GLCCI1: variants seen among roughly 807,000 people sequenced by gnomAD.
GLCCI1 encodes glucocorticoid-induced transcript 1 protein.
In GLCCI1, 24 loss-of-function variants were observed where a neutral mutation model predicts 52.2. The ratio of observed to expected loss-of-function variants is 0.46; its 90% CI spans 0.33 to 0.65. The LOEUF (loss-of-function observed/expected upper bound fraction) is 0.65, where lower values mean the gene tolerates loss of function less well. GLCCI1 is among the 30% of genes least tolerant of loss of function. GLCCI1 has a pLI of 0.02. For synonymous variants in GLCCI1, 310 were observed against 276.5 expected (o/e 1.12, Z -1.20); for missense variants, 704 against 701.5 (o/e 1.00, Z -0.04).
intron 3 of GLCCI1, among the ~76,000 whole-genome samples, chr7:8,029,953 A>G (rs973420709): frequency 6.6e-6 from 1 of 152,188 alleles, no homozygotes; most frequent in African/African-American, 2.4e-5. Context: ...AAGAATCAAT[A>G]TTGTTAAAAT....
intron 6 of GLCCI1, among the ~76,000 whole-genome samples, chr7:8,083,642 T>C (rs1783042114): frequency 1.4e-5 from 2 of 142,110 alleles, no homozygotes; most frequent in South Asian, 2.4e-4. Flanking sequence ...GTGCCTACTC[T>C]GTAGGATCAT....
At chr7:8,075,889 A>G (rs566938680) in intron 6 of GLCCI1, among the ~76,000 whole-genome samples, 26 of 152,342 alleles carry the variant, frequency 1.7e-4, no homozygotes, top group African/African-American at 5.3e-4. Flanking sequence ...ATGTAAGCCT[A>G]TTTAACTCAT....
intron 3 of GLCCI1, among the ~76,000 whole-genome samples, chr7:8,023,976 A>C (rs944633061): frequency 6.1e-4 from 93 of 152,270 alleles, no homozygotes; most frequent in Non-Finnish European, 7.4e-4. Flanking sequence ...TCAAGTTTTT[A>C]AATCTGTTCT....
intron 5 of GLCCI1, among the ~76,000 whole-genome samples, chr7:8,067,817 AT>A (rs1232572402): frequency 6.6e-6 from 1 of 151,932 alleles, no homozygotes; most frequent in Non-Finnish European, 1.5e-5. Context: ...GAATCTGATG[AT>A]TATGTATCTT....
At chr7:8,060,916 A>C (rs532925000) in intron 5 of GLCCI1, among the ~76,000 whole-genome samples, 1 of 152,126 alleles carries the variant, frequency 6.6e-6, no homozygotes, top group South Asian at 2.1e-4. Context: ...AAGTGTCTGC[A>C]TTGTTGTATA....
At chr7:8,032,014 T>C (rs1052699053) in intron 3 of GLCCI1, among the ~76,000 whole-genome samples, 4 of 152,072 alleles carry the variant, frequency 2.6e-5, no homozygotes, top group Admixed American at 6.6e-5. Context: ...CATCCCATTA[T>C]TGAGAAACCA....
At chr7:7,974,087 G>T (rs1447852726) in intron 1 of GLCCI1, among the ~76,000 whole-genome samples, 1 of 152,016 alleles carries the variant, frequency 6.6e-6, no homozygotes, top group African/African-American at 2.4e-5. Flanking sequence ...TTTTTCTAAA[G>T]AGACAGGTTT....
chr7:8,052,490 C>G (rs1160064153), intron 3 of GLCCI1, among the ~76,000 whole-genome samples: 1 of 152,122 alleles, frequency 6.6e-6, no homozygotes, highest in Non-Finnish European at 1.5e-5. Flanking sequence ...ATATATTTGT[C>G]CCACTGAAAC....
At chr7:7,985,375 T>G (rs375605710) in intron 1 of GLCCI1, among the ~76,000 whole-genome samples, 1 of 152,066 alleles carries the variant, frequency 6.6e-6, no homozygotes, top group Non-Finnish European at 1.5e-5. Flanking sequence ...CCATACAGAG[T>G]AGAGGTTCAT....
chr7:8,011,539 C>T (rs967309361), intron 2 of GLCCI1, among the ~76,000 whole-genome samples: 1 of 152,050 alleles, frequency 6.6e-6, no homozygotes, highest in Non-Finnish European at 1.5e-5. Context: ...TTTATCCATT[C>T]GTCTATGGGT....
In GLCCI1 at chr7:7,969,159, C is replaced by T; in HGVS notation, c.-192C>T. The T allele has an allele frequency of 2.1e-6, 1 of 472,388 alleles. No individual in the cohort carries two copies. The highest frequency in any genetic ancestry group is 3.0e-6 in the Non-Finnish European group (1 of 330,954). The allele number at this position is 472,388 out of a possible 1,614,324, so 29.3% of individuals were successfully genotyped here. ...GGACGTTTGTTTTCGCAGCCTTCCCCTCCCCCCTCGCCGAGGCGGCGGGGG... is the reference window on the plus strand; with the variant it reads ...GGACGTTTGTTTTCGCAGCCTTCCCTTCCCCCCTCGCCGAGGCGGCGGGGG... On this transcript the variant is annotated 5_prime_UTR_variant, in exon 1 of 8. Coordinates refer to ENST00000223145, the MANE Select transcript of GLCCI1 (RefSeq NM_138426.4). The surrounding 1 kb of genome is among the most constrained non-coding windows in gnomAD (Gnocchi z 4.9).
chr7:8,033,043 G>T (rs973557619), intron 3 of GLCCI1, among the ~76,000 whole-genome samples: 2 of 151,752 alleles, frequency 1.3e-5, no homozygotes, highest in Non-Finnish European at 2.9e-5. Flanking sequence ...AAATAAGAGG[G>T]ATTATATACC....
intron 2 of GLCCI1, among the ~76,000 whole-genome samples, chr7:8,022,014 A>G (rs1458135410): frequency 6.6e-6 from 1 of 152,114 alleles, no homozygotes; most frequent in Non-Finnish European, 1.5e-5. Context: ...ACTAATACTT[A>G]CTCTTCCCCA....
intron 5 of GLCCI1, among the ~76,000 whole-genome samples, chr7:8,062,430 T>C (rs1782539826): frequency 6.6e-6 from 1 of 152,178 alleles, no homozygotes; most frequent in Non-Finnish European, 1.5e-5. Flanking sequence ...GTGAAGTTGG[T>C]ATAGTTTTTG....
intron 3 of GLCCI1, among the ~76,000 whole-genome samples, chr7:8,054,479 TTTCTC>T (rs1377999642): frequency 3.3e-5 from 5 of 152,280 alleles, no homozygotes; most frequent in African/African-American, 9.6e-5. Context: ...TCTATATTGT[TTTCTC>T]TTCTATTAAC....
intron 1 of GLCCI1, among the ~76,000 whole-genome samples, chr7:7,988,521 T>A (rs1780781039): frequency 6.6e-6 from 1 of 152,210 alleles, no homozygotes; most frequent in Non-Finnish European, 1.5e-5. Context: ...GTACTTTTTT[T>A]TAATGTCTTC....
intron 6 of GLCCI1, among the ~76,000 whole-genome samples, chr7:8,071,859 C>T (rs919232573): frequency 2.4e-4 from 37 of 152,238 alleles, no homozygotes; most frequent in African/African-American, 8.2e-4. Flanking sequence ...TACTGCTTGT[C>T]ACCATAGAGA....
At chr7:8,038,627 T>C (rs554952159) in intron 3 of GLCCI1, among the ~76,000 whole-genome samples, 1 of 152,288 alleles carries the variant, frequency 6.6e-6, no homozygotes, top group African/African-American at 2.4e-5. Flanking sequence ...GAGACTTAAA[T>C]GTAAGACCTG....
At chr7:8,023,588 CTTTTTTTTTTTTT>C (rs571726894) in intron 3 of GLCCI1, among the ~76,000 whole-genome samples, 2 of 41,984 alleles carry the variant, frequency 4.8e-5, no homozygotes, top group East Asian at 1.2e-3. Context: ...CTCTGTTATT[CTTTTTTTTTTTTT>C]TTTTTTTTTT....
Sources: allele counts gnomAD v4.1 joint callset (sites outside exome capture counted in the v4.1 genomes callset), GRCh38; gene constraint gnomAD v4.1.1; non-coding constraint Gnocchi (gnomAD v3.1); transcripts MANE v1.5; gene names NCBI Gene and HGNC (gene_info 2026-07-23, HGNC 2026-07-21).